Variants in RALGAPA1 observed in about 807,000 individuals in gnomAD.
RALGAPA1 encodes ral GTPase-activating protein subunit alpha-1.
Under a neutral mutation model 269.6 loss-of-function variants are expected in RALGAPA1, and 52 were observed. The ratio of observed to expected loss-of-function variants is 0.19; its 90% CI spans 0.15 to 0.24. The LOEUF (loss-of-function observed/expected upper bound fraction) is 0.24, where lower values mean the gene tolerates loss of function less well. Among genes scored for constraint, RALGAPA1 ranks in the 10% least tolerant of loss-of-function variants. The pLI is 1.00. For missense variants in RALGAPA1, 1,917 were observed against 3,013.9 expected, an observed-to-expected ratio of 0.64 and a Z score of 8.52; for synonymous variants, 817 against 1,008.3, an observed-to-expected ratio of 0.81 and a Z score of 3.60.
chr14:35,550,348 T>A (rs924316310), intron 39 of RALGAPA1, among the ~76,000 whole-genome samples: 2 of 152,196 alleles, frequency 1.3e-5, no homozygotes, highest in African/African-American at 4.8e-5. Context: ...GACATTTAAA[T>A]AAGGATAATA....
At chr14:35,705,447 G>A (rs2067721010) in intron 16 of RALGAPA1, among the ~76,000 whole-genome samples, 1 of 151,144 alleles carries the variant, frequency 6.6e-6, no homozygotes, top group Non-Finnish European at 1.5e-5. Flanking sequence ...AGCCTTTTCA[G>A]ATTAGCTTCT....
chr14:35,691,892 T>A (rs2066511190), intron 17 of RALGAPA1, among the ~76,000 whole-genome samples: 1 of 152,156 alleles, frequency 6.6e-6, no homozygotes, highest in South Asian at 2.1e-4. Flanking sequence ...TGTGCAACTT[T>A]AAAAAATGAC....
chr14:35,691,108 G>C (rs1482504338), intron 17 of RALGAPA1, among the ~76,000 whole-genome samples: 1 of 149,930 alleles, frequency 6.7e-6, no homozygotes, highest in South Asian at 2.1e-4. Context: ...TATTATTATA[G>C]ATGGACATTC....
intron 39 of RALGAPA1, among the ~76,000 whole-genome samples, chr14:35,569,794 A>G (rs990273940): frequency 2.6e-5 from 4 of 152,100 alleles, no homozygotes; most frequent in Non-Finnish European, 2.9e-5. Context: ...CCTTGTTACT[A>G]TATTTCTGGA....
intron 37 of RALGAPA1, among the ~76,000 whole-genome samples, chr14:35,592,231 T>C (rs2058683956): frequency 6.6e-6 from 1 of 152,188 alleles, no homozygotes. Flanking sequence ...AGGACTATTA[T>C]AAACAACTGT....
intron 1 of RALGAPA1, among the ~76,000 whole-genome samples, chr14:35,790,034 C>A (rs114462771): frequency 0.022 from 3,362 of 151,880 alleles, 125 homozygotes; most frequent in South Asian, 0.14. Flanking sequence ...AGGTGGATCT[C>A]TTGAAGCCGG....
chr14:35,549,422 A>G (rs1017973336), intron 39 of RALGAPA1, among the ~76,000 whole-genome samples, 188 bp from the exon 40 acceptor site: 31 of 152,290 alleles, frequency 2.0e-4, no homozygotes, highest in African/African-American at 7.5e-4. Flanking sequence ...ATGTATGTTT[A>G]CTCTTCATGA....
chr14:35,553,724 A>G (rs1361080155), intron 39 of RALGAPA1, among the ~76,000 whole-genome samples: 6 of 152,218 alleles, frequency 3.9e-5, no homozygotes, highest in African/African-American at 1.4e-4. Context: ...AAGGAATTAT[A>G]AAAATTACAA....
At chr14:35,766,488 C>T in intron 4 of RALGAPA1, 3 of 1,392,354 alleles carry the variant, frequency 2.2e-6, no homozygotes, top group Non-Finnish European at 3.0e-6. Context: ...ATCCTTTTCT[C>T]ACATTACTTA....
At chr14:35,803,972 T>C (rs1006592261) in intron 1 of RALGAPA1, among the ~76,000 whole-genome samples, 2 of 152,000 alleles carry the variant, frequency 1.3e-5, no homozygotes, top group South Asian at 2.1e-4. Flanking sequence ...TTAAAAGACA[T>C]GTAAAAGATT....
chr14:35,763,664 G>A (rs1169584540), intron 4 of RALGAPA1, among the ~76,000 whole-genome samples: 2 of 151,322 alleles, frequency 1.3e-5, no homozygotes, highest in African/African-American at 4.9e-5. Context: ...TTTATTTATC[G>A]TCTTTATATT....
At chr14:35,618,207 T>G (rs899256442) in intron 35 of RALGAPA1, among the ~76,000 whole-genome samples, 1 of 152,248 alleles carries the variant, frequency 6.6e-6, no homozygotes, top group African/African-American at 2.4e-5. Flanking sequence ...CATAATCTGC[T>G]AATAGTGGAC....
intron 16 of RALGAPA1, among the ~76,000 whole-genome samples, chr14:35,710,518 A>C (rs897357813): frequency 2.0e-5 from 3 of 152,190 alleles, no homozygotes; most frequent in African/African-American, 7.2e-5. Flanking sequence ...TTGGCCTCCC[A>C]AAGTACTGGG....
intron 39 of RALGAPA1, among the ~76,000 whole-genome samples, chr14:35,555,988 T>C (rs1205287630): frequency 6.6e-6 from 1 of 152,226 alleles, no homozygotes; most frequent in East Asian, 1.9e-4. Flanking sequence ...TACTATTTGC[T>C]ATACTATAGT....
chr14:35,608,037 G>A (rs2059696641), intron 35 of RALGAPA1, among the ~76,000 whole-genome samples: 1 of 152,130 alleles, frequency 6.6e-6, no homozygotes. Flanking sequence ...ACTCAGGGTC[G>A]ACTCCTGGGA....
At chr14:35,676,245 GT>G (rs1322337312) in intron 22 of RALGAPA1, 15 of 149,530 alleles carry the variant, frequency 1.0e-4, no homozygotes, top group African/African-American at 3.4e-4. Context: ...GTCTCACTCT[GT>G]TACCCAGGTT....
chr14:35,639,955 A>C (rs1390191658), intron 31 of RALGAPA1, among the ~76,000 whole-genome samples: 1 of 151,974 alleles, frequency 6.6e-6, no homozygotes, highest in Non-Finnish European at 1.5e-5. Flanking sequence ...AAAAAAAAAA[A>C]AAGAAATTAA....
At chr14:35,779,062 A>C (rs1405874728) in intron 1 of RALGAPA1, among the ~76,000 whole-genome samples, 1 of 152,234 alleles carries the variant, frequency 6.6e-6, no homozygotes, top group Admixed American at 6.5e-5. Context: ...CATCTGTAAA[A>C]AAAGAATACT....
At chr14:35,666,149 T>C (rs1045107365) in intron 26 of RALGAPA1, among the ~76,000 whole-genome samples, 4 of 151,886 alleles carry the variant, frequency 2.6e-5, no homozygotes, top group Non-Finnish European at 5.9e-5. Flanking sequence ...CTCAGACTCC[T>C]GAGTAGCTGG....
Sources: allele counts gnomAD v4.1 joint callset (sites outside exome capture counted in the v4.1 genomes callset), GRCh38; gene constraint gnomAD v4.1.1; transcripts MANE v1.5; gene names NCBI Gene and HGNC (gene_info 2026-07-23, HGNC 2026-07-21).